Variants in RREB1 observed in about 807,000 individuals in gnomAD.
RREB1 encodes the protein ras responsive element binding protein 1.
Under a neutral mutation model 117.8 loss-of-function variants are expected in RREB1, and 27 were observed. The observed-to-expected ratio is 0.23, with a 90% CI of 0.17 to 0.32. The LOEUF is 0.32. Ranked by LOEUF, RREB1 falls within the 10% of genes least tolerant of loss-of-function variation. RREB1 has a pLI of 1.00. For synonymous variants in RREB1, 1,298 were observed against 1,026.7 expected (o/e 1.26, Z -5.05); for missense variants, 2,577 against 2,378.2 (o/e 1.08, Z -1.74).
intron 11 of RREB1, among the ~76,000 whole-genome samples, chr6:7,244,852 C>T (rs184541300): frequency 1.3e-3 from 201 of 152,304 alleles, no homozygotes; most frequent in Non-Finnish European, 2.4e-3. Context: ...GCTCCTTACC[C>T]CAGCCCTCCT....
At position 7,230,597 on chromosome 6, in the gene RREB1, C is replaced by T; in HGVS notation, c.2498C>T (p.Pro833Leu). 6.2e-7 allele frequency: 1 copy of T among 1,603,832 alleles called. No homozygotes were observed. Among genetic ancestry groups the T allele is most frequent in the Non-Finnish European group, 8.5e-7 (1 of 1,175,614 alleles). ...GTGCTGGCCGCCGACGGCCTGGGCC[C>T]CGCAGAGGCGCCGGCCGCTGAGGCG... is the stretch of plus-strand genomic sequence containing the variant. ...SYVLAADGLG[P>L]AEAPAAEASG... is the part of the protein sequence containing the mutation. Residue 833 changes from proline (P) to leucine (L), a missense_variant, in exon 10 of 13, where the codon CCC (proline) becomes CTC (leucine). Pro to Leu is a moderately conservative substitution (Grantham distance 98). Transcript: ENST00000379938.
Position 7,229,661 on chromosome 6 carries a change from C to G in RREB1, c.1562C>G (p.Thr521Ser). Reference sequence around the variant, plus strand: ...GTCACACCACGGACGGTGGTGGCCACCTCCACGCCCCCGCCTCTCATCAAC... The same window carrying G: ...GTCACACCACGGACGGTGGTGGCCAGCTCCACGCCCCCGCCTCTCATCAAC... ...PLVTPRTVVATSTPPPLINAQ... is the reference protein window; with the variant it reads ...PLVTPRTVVASSTPPPLINAQ... Residue 521 changes from threonine (T) to serine (S), a missense_variant, in exon 10 of 13, where the codon ACC becomes AGC. Thr to Ser is a moderately conservative substitution (Grantham distance 58, BLOSUM62 1). Transcript: ENST00000379938. This position sits in a 1 kb window ranked among gnomAD's most constrained non-coding sequence, Gnocchi z 4.5. 1.9e-6 allele frequency: 3 copies of G among 1,611,784 alleles called. No homozygotes were observed. Among genetic ancestry groups the G allele is most frequent in the Non-Finnish European group, 2.5e-6 (3 of 1,179,264 alleles).
chr6:7,241,174 G>A (rs749839753), intron 11 of RREB1, among the ~76,000 whole-genome samples: 6 of 152,040 alleles, frequency 3.9e-5, no homozygotes, highest in African/African-American at 7.2e-5. Context: ...ACCTGAATCC[G>A]GGTATTATTC....
intron 1 of RREB1, among the ~76,000 whole-genome samples, chr6:7,120,030 T>C (rs1165866027): frequency 6.6e-6 from 1 of 152,096 alleles, no homozygotes; most frequent in Admixed American, 6.5e-5. Context: ...AACGCTGGAT[T>C]AGTCAGGGTT....
rs753944623 is a variant in RREB1, at chr6:7,231,370, C to T, written c.3271C>T (p.Pro1091Ser). ...GAAAACCAAGGTGGCGGACCCAGGG[C>T]CCGCAAGCACTGGCAGTAACACCAC... ...LLKTKVADPG[P>S]ASTGSNTTAS... Residue 1091 changes from proline to serine, a missense_variant, in exon 10 of 13, where the codon CCC (proline) becomes TCC (serine). Transcript: ENST00000379938. The T allele has an allele frequency of 3.7e-6, 6 of 1,613,198 alleles. No homozygotes were observed. The highest frequency in any genetic ancestry group is 4.2e-6 in the Non-Finnish European group (5 of 1,179,746).
intron 1 of RREB1, among the ~76,000 whole-genome samples, chr6:7,145,801 GC>G (rs376616354): frequency 1.3e-4 from 20 of 151,402 alleles, no homozygotes; most frequent in African/African-American, 4.4e-4. Context: ...CCAGTAATGG[GC>G]CCCGTCTTTT....
chr6:7,230,891 C>T lies in RREB1; in HGVS notation c.2792C>T (p.Ser931Phe), dbSNP rs757468393. Reference protein sequence around the residue: ...SPSSLVPYDCSMEPIDLSIPK... With the variant: ...SPSSLVPYDCFMEPIDLSIPK... ...TCTTCCCTGGTCCCCTATGACTGCT[C>T]CATGGAGCCCATCGACCTGTCCATC... The change falls in exon 10 of 13, where the codon TCC (serine) becomes TTC (phenylalanine). Residue 931 changes from serine (S) to phenylalanine (F), a missense_variant. By Grantham distance (155) the Ser-to-Phe change is radical (BLOSUM62 -2). Coordinates refer to ENST00000379938, the MANE Select transcript of RREB1 (RefSeq NM_001003699.4). 9 of 1,614,214 alleles carry T rather than the reference C, an allele frequency of 5.6e-6. No individual in the cohort carries two copies. In the South Asian group the frequency reaches 7.7e-5, roughly 14 times the overall value.
Position 7,230,609 on chromosome 6 carries a change from C to G in RREB1, c.2510C>G (p.Pro837Arg). The change falls in exon 10 of 13, where the codon CCG (proline) becomes CGG (arginine). Residue 837 changes from proline to arginine, a missense_variant. Transcript: ENST00000379938. ...AADGLGPAEA[P>R]AAEASGRGED... ...GACGGCCTGGGCCCCGCAGAGGCGC[C>G]GGCCGCTGAGGCGTCGGGGCGCGGG... 6.2e-7 allele frequency: 1 copy of G among 1,603,848 alleles called. No homozygotes were observed. The highest frequency in any genetic ancestry group is 8.5e-7 in the Non-Finnish European group (1 of 1,175,418).
At chr6:7,242,604 G>T (rs1768770643) in intron 11 of RREB1, among the ~76,000 whole-genome samples, 1 of 150,412 alleles carries the variant, frequency 6.6e-6, no homozygotes, top group African/African-American at 2.4e-5. Flanking sequence ...AAATGCAGAT[G>T]AGCATGATGG....
intron 11 of RREB1, among the ~76,000 whole-genome samples, chr6:7,245,116 C>T (rs922852261): frequency 6.6e-6 from 1 of 152,218 alleles, no homozygotes; most frequent in Non-Finnish European, 1.5e-5. Context: ...CAGACAGTGG[C>T]CGGGCACGGT....
At position 7,246,459 on chromosome 6, in the gene RREB1, G is replaced by A. The variant is rs1333245748; in HGVS notation, c.4009G>A (p.Gly1337Ser). The A allele has an allele frequency of 6.6e-7, 1 of 1,512,616 alleles. No individual in the cohort carries two copies. The allele number at this position is 1,512,616 out of a possible 1,614,324, so 93.7% of individuals were successfully genotyped here. A position where few individuals can be genotyped will look rare whatever the true frequency, so the allele number is the denominator to read the frequency against. ...GGATGCGGAGACTGCAGCCGCCGCG[G>A]GCGAAGTGCTAGACCTCACCTCACG... ...QSDAETAAAA[G>S]EVLDLTSRDR... Residue 1337 changes from glycine to serine, a missense_variant, in exon 12 of 13, where the codon GGC (glycine) becomes AGC (serine). Coordinates refer to ENST00000379938, the MANE Select transcript of RREB1 (RefSeq NM_001003699.4).
At chr6:7,221,271 C>T (rs1767233852) in intron 8 of RREB1, among the ~76,000 whole-genome samples, 2 of 152,042 alleles carry the variant, frequency 1.3e-5, no homozygotes, top group African/African-American at 4.8e-5. Flanking sequence ...CGGGTTCACG[C>T]CATTCTCCTG....
chr6:7,215,102 A>C (rs1405974490), intron 8 of RREB1: 1 of 153,270 alleles, frequency 6.5e-6, no homozygotes, highest in African/African-American at 2.4e-5. Flanking sequence ...GGCTATGGCG[A>C]GCTGGCGTTT....
intron 1 of RREB1, among the ~76,000 whole-genome samples, chr6:7,112,535 A>G (rs1761194866): frequency 6.6e-6 from 1 of 152,162 alleles, no homozygotes; most frequent in African/African-American, 2.4e-5. Context: ...TCAAAGAGCA[A>G]GGGTCAGACA....
In RREB1 at chr6:7,230,036, G is replaced by T. The variant is rs142174636; in HGVS notation, c.1937G>T (p.Arg646Leu). Reference sequence around the variant, plus strand: ...ATGCGCAAGGTGCTCTACCCCTGCCGCTTCTGCAACCAGGTGTTTGCCTTC... The same window carrying T: ...ATGCGCAAGGTGCTCTACCCCTGCCTCTTCTGCAACCAGGTGTTTGCCTTC... ...PAMRKVLYPC[R>L]FCNQVFAFSG... Residue 646 changes from arginine (R) to leucine (L), a missense_variant, in exon 10 of 13, where the codon CGC becomes CTC. By Grantham distance (102) the Arg-to-Leu change is moderately radical (BLOSUM62 -2). Transcript: ENST00000379938. The T allele has an allele frequency of 2.7e-5, 43 of 1,610,262 alleles. No individual in the cohort carries two copies. The highest frequency in any genetic ancestry group is 3.6e-5 in the Non-Finnish European group (42 of 1,177,396).
At chr6:7,191,096 G>C (rs1173322423) in intron 6 of RREB1, among the ~76,000 whole-genome samples, 2 of 152,160 alleles carry the variant, frequency 1.3e-5, no homozygotes, top group Non-Finnish European at 2.9e-5. Context: ...GCTATAAAAG[G>C]CGTAGTTATT....
At chr6:7,188,359 T>A (rs1310777307) in intron 5 of RREB1, among the ~76,000 whole-genome samples, 2 of 152,042 alleles carry the variant, frequency 1.3e-5, no homozygotes, top group South Asian at 2.1e-4. Context: ...CACGTGATTC[T>A]CCTGCCTTAG....
chr6:7,155,619 A>G (rs1399038951), intron 1 of RREB1, among the ~76,000 whole-genome samples: 1 of 152,238 alleles, frequency 6.6e-6, no homozygotes, highest in Non-Finnish European at 1.5e-5. Flanking sequence ...CCAGGACTTA[A>G]GTTTTAATAG....
chr6:7,211,894 G>T, intron 8 of RREB1, 185 bp downstream of exon 8: 1 of 620,386 alleles, frequency 1.6e-6, no homozygotes. Flanking sequence ...GAGGGTGGCT[G>T]TATCCACAGG....
Sources: gnomAD v4.1 joint callset for allele counts (sites outside exome capture counted in the v4.1 genomes callset) on GRCh38, gnomAD v4.1.1 for gene constraint, Gnocchi (gnomAD v3.1) non-coding constraint, MANE v1.5 for transcripts, NCBI Gene and HGNC (gene_info 2026-07-23, HGNC 2026-07-21) for gene names.